Variants in PCDH17 observed in about 807,000 individuals in gnomAD.
The protein encoded by PCDH17 is protocadherin 17, also known as protocadherin-17.
In PCDH17, 21 loss-of-function variants were observed where a neutral mutation model predicts 67.7. That is an observed-to-expected ratio of 0.31 (90% confidence interval 0.22 to 0.45). PCDH17 has a LOEUF of 0.45. PCDH17 is among the 20% of genes least tolerant of loss of function. PCDH17 has a pLI of 1.00. For missense variants in PCDH17, 1,471 were observed against 1,564.8 expected, an observed-to-expected ratio of 0.94 and a Z score of 1.01; for synonymous variants, 701 against 656.7, an observed-to-expected ratio of 1.07 and a Z score of -1.03.
At chr13:57,681,858 G>A (rs186352182) in intron 3 of PCDH17, among the ~76,000 whole-genome samples, 94 of 151,736 alleles carry the variant, frequency 6.2e-4, no homozygotes, top group Non-Finnish European at 9.6e-4. Flanking sequence ...TTTATTAAGT[G>A]CTAGCATGAG....
chr13:57,702,075 G>C (rs1365181846), intron 3 of PCDH17, among the ~76,000 whole-genome samples: 1 of 151,734 alleles, frequency 6.6e-6, no homozygotes, highest in Non-Finnish European at 1.5e-5. Context: ...GTGCCACCAG[G>C]CCCAGTTAAT....
At position 57,701,282 on chromosome 13, in the gene PCDH17, T is replaced by C. The variant is rs573218719; in HGVS notation, c.2798-23330T>C. Among the ~76,000 whole-genome samples, 3 of 152,286 alleles carry C rather than the reference T, an allele frequency of 2.0e-5. No homozygotes were observed. The East Asian group carries it at 5.8e-4, about 29-fold the overall frequency. On this transcript the variant is annotated intron_variant, in intron 3 of 3. Coordinates refer to ENST00000377918, the MANE Select transcript of PCDH17 (RefSeq NM_001040429.3). The stretch of plus-strand genomic sequence containing the variant: ...GTATCTCCCCCGTTTGTTTGTTTGT[T>C]TGTTTGTTTTTTAACATAACCTGTA...
At chr13:57,675,293 C>T (rs147074998) in intron 3 of PCDH17, among the ~76,000 whole-genome samples, 22 of 152,006 alleles carry the variant, frequency 1.4e-4, no homozygotes, top group African/African-American at 5.1e-4. Flanking sequence ...TTATTTGTTG[C>T]TCATTGATTC....
Position 57,642,195 on chromosome 13 carries a change from A to T in PCDH17, c.2565+7084A>T, listed in dbSNP as rs1003766971. Among the ~76,000 whole-genome samples, 10 of 151,724 alleles carry T rather than the reference A, an allele frequency of 6.6e-5. No homozygotes were observed. In the East Asian group the frequency reaches 1.9e-3, roughly 29 times the overall value. On this transcript the variant is annotated intron_variant, in intron 1 of 3. Transcript: ENST00000377918. ...TCTGAACAATATTTAACACTTTTTA[A>T]ACTTTTAATGTTTTTGATTGATTTT...
intron 3 of PCDH17, among the ~76,000 whole-genome samples, chr13:57,720,147 A>G (rs957804485): frequency 1.3e-5 from 2 of 152,078 alleles, no homozygotes; most frequent in African/African-American, 4.8e-5. Flanking sequence ...TTTTGTCACA[A>G]AATGATTGCT....
At chr13:57,638,328 T>C (rs2137978663) in intron 1 of PCDH17, among the ~76,000 whole-genome samples, 1 of 152,236 alleles carries the variant, frequency 6.6e-6, no homozygotes, top group Non-Finnish European at 1.5e-5. Flanking sequence ...AATTAAGTGC[T>C]AAGTCTCAGG....
chr13:57,724,995 C>T lies in PCDH17; in HGVS notation c.3181C>T (p.Pro1061Ser), dbSNP rs779034114. 1.4e-5 allele frequency: 22 copies of T among 1,614,146 alleles called. No homozygotes were observed. Among genetic ancestry groups the T allele is most frequent in the Non-Finnish European group, 1.9e-5 (22 of 1,180,022 alleles). Residue 1061 changes from proline to serine, a missense_variant, in exon 4 of 4, where the codon CCA (proline) becomes TCA (serine). Around this residue, in one of 3 missense-constraint regions of PCDH17, gnomAD observed 297 missense variants for 298.6 expected, o/e 0.99. Transcript: ENST00000377918. ...KGSLDGCEAK[P>S]GALAEASSQY... is the part of the protein sequence containing the mutation. ...CTCCCTGGATGGCTGTGAAGCAAAA[C>T]CAGGAGCCCTGGCTGAAGCAAGCAG...
intron 3 of PCDH17, among the ~76,000 whole-genome samples, chr13:57,714,130 G>A (rs1955799543): frequency 6.6e-6 from 1 of 151,556 alleles, no homozygotes; most frequent in South Asian, 2.1e-4. Flanking sequence ...TATTGGCAGA[G>A]GTTGATTGCT....
At chr13:57,701,417 A>G (rs1436297818) in intron 3 of PCDH17, among the ~76,000 whole-genome samples, 1 of 152,112 alleles carries the variant, frequency 6.6e-6, no homozygotes. Context: ...AATCCCTTTG[A>G]TATTTCTCAG....
At chr13:57,706,387 T>C (rs1373145732) in intron 3 of PCDH17, among the ~76,000 whole-genome samples, 1 of 152,176 alleles carries the variant, frequency 6.6e-6, no homozygotes, top group East Asian at 1.9e-4. Context: ...TTTAATTTAC[T>C]CCATTGTCAT....
chr13:57,666,039 A>G (rs1955249073), intron 1 of PCDH17, among the ~76,000 whole-genome samples: 1 of 152,160 alleles, frequency 6.6e-6, no homozygotes, highest in East Asian at 1.9e-4. Flanking sequence ...TTTAAATGAT[A>G]TTACATCAAG....
In PCDH17 at chr13:57,632,550, T is replaced by C; in HGVS notation, c.4T>C (p.Tyr2His). Residue 2 changes from tyrosine to histidine, a missense_variant, in exon 1 of 4, where the codon TAC becomes CAC. Physicochemically the swap from Tyr to His is moderately conservative, Grantham distance 83. Coordinates refer to ENST00000377918, the MANE Select transcript of PCDH17 (RefSeq NM_001040429.3). ...GCCCCCACCTTACAGGTCTGGGATG[T>C]ACCTTTCCATCTGTTGCTGCTTTCT... is the stretch of plus-strand genomic sequence containing the variant. M[Y>H]LSICCCFLLW... The C allele has an allele frequency of 6.2e-7, 1 of 1,613,266 alleles. No individual in the cohort carries two copies. Among genetic ancestry groups the C allele is most frequent in the Non-Finnish European group, 8.5e-7 (1 of 1,179,590 alleles).
At chr13:57,675,060 T>C (rs1955375404) in intron 3 of PCDH17, among the ~76,000 whole-genome samples, 1 of 151,890 alleles carries the variant, frequency 6.6e-6, no homozygotes, top group African/African-American at 2.4e-5. Context: ...AGTCTCCAAA[T>C]AGGCACATCA....
chr13:57,676,121 T>C (rs536736040), intron 3 of PCDH17, among the ~76,000 whole-genome samples: 5 of 152,038 alleles, frequency 3.3e-5, no homozygotes, highest in South Asian at 2.1e-4. Flanking sequence ...AGTTTTAATG[T>C]TATGTATGTG....
In PCDH17 at chr13:57,726,849, A is replaced by G. The variant is rs1471282737; in HGVS notation, c.*1555A>G. On this transcript the variant is annotated 3_prime_UTR_variant, in exon 4 of 4. Transcript: ENST00000377918. ...TGTGTTCCCATTATATTTTGAAAACATGAAAAATGCTTTAATGCATGTATG... is the reference window on the plus strand; with the variant it reads ...TGTGTTCCCATTATATTTTGAAAACGTGAAAAATGCTTTAATGCATGTATG... 3 of 152,350 alleles carry G rather than the reference A, an allele frequency of 2.0e-5. No individual in the cohort carries two copies. The highest frequency in any genetic ancestry group is 7.2e-5 in the African/African-American group (3 of 41,456). 9.4% of individuals were successfully genotyped at this position (152,350 alleles called of 1,614,324 possible). A position where few individuals can be genotyped will look rare whatever the true frequency, so the allele number is the denominator to read the frequency against.
chr13:57,712,139 T>C (rs1387868556), intron 3 of PCDH17, among the ~76,000 whole-genome samples: 7 of 151,714 alleles, frequency 4.6e-5, no homozygotes, highest in African/African-American at 1.7e-4. Context: ...AAAATAAATA[T>C]GTTACTGGAA....
intron 1 of PCDH17, among the ~76,000 whole-genome samples, chr13:57,658,940 A>G (rs1388379396): frequency 1.3e-5 from 2 of 152,162 alleles, no homozygotes; most frequent in African/African-American, 4.8e-5. Context: ...CTAGCAGTTT[A>G]TAATCCATTG....
chr13:57,672,205 CT>C (rs796982361), intron 3 of PCDH17, among the ~76,000 whole-genome samples: 9 of 151,988 alleles, frequency 5.9e-5, no homozygotes, highest in East Asian at 1.9e-4. Flanking sequence ...TAAGGATGGC[CT>C]TTTTTTCCTT....
At chr13:57,655,316 TTGA>T (rs1170156446) in intron 1 of PCDH17, among the ~76,000 whole-genome samples, 3 of 151,964 alleles carry the variant, frequency 2.0e-5, no homozygotes, top group Non-Finnish European at 1.5e-5. Context: ...TATCTTCTAA[TTGA>T]TGATTTAATA....
Sources: gnomAD v4.1 joint callset for allele counts (sites outside exome capture counted in the v4.1 genomes callset) on GRCh38, gnomAD v4.1.1 for gene constraint, gnomAD v4.1.1 regional missense constraint, MANE v1.5 for transcripts, NCBI Gene and HGNC (gene_info 2026-07-23, HGNC 2026-07-21) for gene names.